Variants in BRPF1 observed in about 807,000 individuals in gnomAD.
BRPF1 encodes the protein peregrin.
Under a neutral mutation model 115.0 loss-of-function variants are expected in BRPF1, and 15 were observed. That is an observed-to-expected ratio of 0.13 (90% CI 0.09 to 0.20). The LOEUF is 0.20. BRPF1 is among the 10% of genes least tolerant of loss of function. BRPF1 has a pLI of 1.00. For missense variants in BRPF1, 1,118 were observed against 1,638.3 expected (o/e 0.68, Z 5.48); for synonymous variants, 647 against 619.8 (o/e 1.04, Z -0.65).
rs189547989 is a variant in BRPF1 at position 9,743,301 on chromosome 3, G to A, written c.2311+48G>A. 3.2e-4 allele frequency: 508 copies of A among 1,566,616 alleles called. No homozygotes were observed. The highest frequency in any genetic ancestry group is 4.2e-4 in the Non-Finnish European group (490 of 1,154,134). ...ATATAAGAGGCCAATGCCGGGGATGGACAGCTTTCCAAAAGTCCCCTCCTG... is the reference window on the plus strand; with the variant it reads ...ATATAAGAGGCCAATGCCGGGGATGAACAGCTTTCCAAAAGTCCCCTCCTG... On this transcript the variant is annotated intron_variant, in intron 7 of 13. Coordinates refer to ENST00000383829, the MANE Select transcript of BRPF1 (RefSeq NM_001003694.2). The surrounding 1 kb of genome is among the most constrained non-coding windows in gnomAD (Gnocchi z 6.1).
rs2076859577 is a variant in BRPF1, at chr3:9,731,983, C to T, written c.-166C>T. On this transcript the variant is annotated 5_prime_UTR_variant, in exon 1 of 14. Coordinates refer to ENST00000383829, the MANE Select transcript of BRPF1 (RefSeq NM_001003694.2). The stretch of plus-strand genomic sequence containing the variant: ...CTCAGGAATCCCGGGGAGCCGGGAC[C>T]AAAGCGTGGGGCGGCAGGGGGCCGG... The T allele has an allele frequency of 6.6e-6, 1 of 152,336 alleles. No homozygotes were observed. The highest frequency in any genetic ancestry group is 2.4e-5 in the African/African-American group (1 of 41,454). 9.4% of individuals were successfully genotyped at this position (152,336 alleles called of 1,614,324 possible). A position where few individuals can be genotyped will look rare whatever the true frequency, so the allele number is the denominator to read the frequency against.
In BRPF1 at chr3:9,740,945, C is replaced by A. The variant is rs1296066066; in HGVS notation, c.1722+4C>A. 6.2e-7 allele frequency: 1 copy of A among 1,610,092 alleles called. No homozygotes were observed. ...GAGGAACTGTGACCAAGTTGGGGTACTGTGTCCAGTTCCCTGTGGGCTCTG... is the reference window on the plus strand; with the variant it reads ...GAGGAACTGTGACCAAGTTGGGGTAATGTGTCCAGTTCCCTGTGGGCTCTG... On this transcript the variant is annotated splice_donor_region_variant and intron_variant, in intron 4 of 13. Transcript: ENST00000383829.
chr3:9,743,449 C>T lies in BRPF1; in HGVS notation c.2312-129C>T, dbSNP rs1312687605. On this transcript the variant is annotated intron_variant, in intron 7 of 13. Transcript: ENST00000383829. The surrounding 1 kb of genome is among the most constrained non-coding windows in gnomAD (Gnocchi z 6.1). ...GTGCCCGCCATTCCACATCTTGGTG[C>T]TGCTATTTTACAGCTGTTCCTGGTG... 4.8e-6 allele frequency: 6 copies of T among 1,246,134 alleles called. No individual in the cohort carries two copies. The African/African-American group carries it at 7.6e-5, about 16-fold the overall frequency. 77.2% of individuals were successfully genotyped at this position (1,246,134 alleles called of 1,614,324 possible).
At chr3:9,746,157 A>C in intron 12 of BRPF1, 143 bp from the exon 13 acceptor site, 1 of 1,210,530 alleles carries the variant, frequency 8.3e-7, no homozygotes, top group Non-Finnish European at 1.2e-6. Flanking sequence ...TTAGCATGGA[A>C]AGAAGCTGAG....
chr3:9,747,031 G>T lies in BRPF1; in HGVS notation c.3480-135G>T. 1 of 963,694 alleles carries T rather than the reference G, an allele frequency of 1.0e-6. No individual in the cohort carries two copies. 59.7% of individuals were successfully genotyped at this position (963,694 alleles called of 1,614,324 possible). ...CTCTTTCATCTCTAGACCATGAACA[G>T]TCCTTTGAGGGCAGGGACCATCACA... is the stretch of plus-strand genomic sequence containing the variant. On this transcript the variant is annotated intron_variant, in intron 13 of 13. Coordinates refer to ENST00000383829, the MANE Select transcript of BRPF1 (RefSeq NM_001003694.2). This position sits in a 1 kb window ranked among gnomAD's most constrained non-coding sequence, Gnocchi z 5.6.
In BRPF1 at chr3:9,734,209, C is replaced by T; in HGVS notation, c.69C>T (p.Cys23=). 6.2e-7 allele frequency: 1 copy of T among 1,613,990 alleles called. No homozygotes were observed. Among genetic ancestry groups the T allele is most frequent in the Non-Finnish European group, 8.5e-7 (1 of 1,179,946 alleles). ...GGGCGACTAAGCCACCATACGAGTG[C>T]CCGGTGGAGACCTGCCGAAAGGTCT... is the stretch of plus-strand genomic sequence containing the variant. ...NLRATKPPYE[C]PVETCRKVYK... The change falls in exon 2 of 14, where the codon TGC becomes TGT. Residue 23 remains cysteine, a synonymous_variant. Transcript: ENST00000383829. The surrounding 1 kb of genome is among the most constrained non-coding windows in gnomAD (Gnocchi z 5.7).
In BRPF1 at chr3:9,739,962, T is replaced by C. The variant is rs756105058; in HGVS notation, c.1559+4T>C. The stretch of plus-strand genomic sequence containing the variant: ...TGCCCTGCATCCCACCACACAGGTA[T>C]GTGGGGAGCCGGTGGACAGGCAGAT... On this transcript the variant is annotated splice_donor_region_variant and intron_variant, in intron 3 of 13. Transcript: ENST00000383829. The C allele has an allele frequency of 1.4e-5, 22 of 1,562,838 alleles. No homozygotes were observed. The highest frequency in any genetic ancestry group is 1.9e-5 in the Non-Finnish European group (22 of 1,152,026).
chr3:9,738,868 G>A (rs2076983885), intron 2 of BRPF1, 131 bp from the exon 3 acceptor site: 2 of 767,410 alleles, frequency 2.6e-6, no homozygotes, highest in Non-Finnish European at 4.0e-6. Context: ...TGGAGTTAAG[G>A]TGAGGATGAA....
intron 3 of BRPF1, 123 bp from the exon 4 acceptor site, chr3:9,740,656 C>A: frequency 2.4e-6 from 3 of 1,256,636 alleles, no homozygotes; most frequent in Non-Finnish European, 2.2e-6. Context: ...GAGTCCCAGG[C>A]CTTTTGGACA....
chr3:9,733,654 A>G (rs1575145312), intron 1 of BRPF1, among the ~76,000 whole-genome samples: 1 of 152,336 alleles, frequency 6.6e-6, no homozygotes, highest in South Asian at 2.1e-4. Context: ...CCAAATAGGG[A>G]TCATTTTGCA....
intron 4 of BRPF1, 69 bp from the exon 5 acceptor site, chr3:9,741,239 C>A: frequency 6.6e-7 from 1 of 1,506,786 alleles, no homozygotes; most frequent in Non-Finnish European, 8.9e-7. Context: ...GTTTCCTGGG[C>A]TCTCTTCTCC....
chr3:9,746,560 C>A, intron 13 of BRPF1, 106 bp downstream of exon 13: 1 of 1,333,834 alleles, frequency 7.5e-7, no homozygotes, highest in Non-Finnish European at 9.9e-7. Context: ...TGGGCTATCA[C>A]AAGTCAGTGG....
chr3:9,743,488 G>C lies in BRPF1; in HGVS notation c.2312-90G>C. On this transcript the variant is annotated intron_variant, in intron 7 of 13. Transcript: ENST00000383829. This position sits in a 1 kb window ranked among gnomAD's most constrained non-coding sequence, Gnocchi z 6.1. ...CTGTTCCTGGTGAGAAGCCCAGGGGGGATGAGTGGGTTTCTTGCTGCCTGC... is the reference window on the plus strand; with the variant it reads ...CTGTTCCTGGTGAGAAGCCCAGGGGCGATGAGTGGGTTTCTTGCTGCCTGC... 1 of 1,419,112 alleles carries C rather than the reference G, an allele frequency of 7.0e-7. No homozygotes were observed. The highest frequency in any genetic ancestry group is 9.7e-7 in the Non-Finnish European group (1 of 1,036,004). 87.9% of individuals were successfully genotyped at this position (1,419,112 alleles called of 1,614,324 possible). A position where few individuals can be genotyped will look rare whatever the true frequency, so the allele number is the denominator to read the frequency against.
intron 6 of BRPF1, chr3:9,742,542 G>T (rs2077048823): frequency 2.0e-6 from 2 of 985,400 alleles, no homozygotes; most frequent in South Asian, 4.7e-5. Context: ...TCTCTAAAAG[G>T]TATAAAATGA....
chr3:9,734,799 AGAGAGGT>A lies in BRPF1; in HGVS notation c.599+67_599+73del. The A allele has an allele frequency of 6.4e-7, 1 of 1,569,360 alleles. No individual in the cohort carries two copies. The highest frequency in any genetic ancestry group is 1.7e-5 in the Admixed American group (1 of 58,366). ...TGGTCAAGCAGGGCTCACTAGCCAGAGAGAGGTGAGAGGCACAGATAGAAGAGTGACA... is the reference window on the plus strand; with the variant it reads ...TGGTCAAGCAGGGCTCACTAGCCAGAGAGAGGCACAGATAGAAGAGTGACA... On this transcript the variant is annotated intron_variant, in intron 2 of 13. Transcript: ENST00000383829. This position sits in a 1 kb window ranked among gnomAD's most constrained non-coding sequence, Gnocchi z 5.7.
intron 2 of BRPF1, among the ~76,000 whole-genome samples, chr3:9,735,192 T>G (rs1482651159): frequency 6.6e-6 from 1 of 152,038 alleles, no homozygotes; most frequent in African/African-American, 2.4e-5. Context: ...TTAAAATTTT[T>G]TGTAGAGATG....
rs889838847 is a variant in BRPF1, at chr3:9,734,555, A to G, written c.415A>G (p.Thr139Ala). The G allele has an allele frequency of 6.2e-7, 1 of 1,614,172 alleles. No individual in the cohort carries two copies. Among genetic ancestry groups the G allele is most frequent in the Admixed American group, 1.7e-5 (1 of 60,020 alleles). ...TGAGAATGGCAGCAACAAGGAGAAC[A>G]CTGAGACACCAGCTGCTACTCCCAA... is the stretch of plus-strand genomic sequence containing the variant. ...APENGSNKEN[T>A]ETPAATPKSG... The change falls in exon 2 of 14, where the codon ACT (threonine) becomes GCT (alanine). Residue 139 changes from threonine (T) to alanine (A), a missense_variant. Physicochemically the swap from Thr to Ala is moderately conservative, Grantham distance 58. Transcript: ENST00000383829. This position sits in a 1 kb window ranked among gnomAD's most constrained non-coding sequence, Gnocchi z 5.7.
rs1290291437 is a variant in BRPF1, at chr3:9,745,113, C to CCAGCAG, written c.3030_3035dup (p.Ser1015_Ser1016dup). On this transcript the variant is annotated inframe_insertion, in exon 10 of 14. Coordinates refer to ENST00000383829, the MANE Select transcript of BRPF1 (RefSeq NM_001003694.2). This position sits in a 1 kb window ranked among gnomAD's most constrained non-coding sequence, Gnocchi z 5.1. ...CCCCGGAGCAGCTCAGACTCTGAGT[C>CCAGCAG]CAGCAGCAGTAGCAGTAGCAGCGCT... is the stretch of plus-strand genomic sequence containing the variant. The CCAGCAG allele has an allele frequency of 6.2e-7, 1 of 1,614,226 alleles. No individual in the cohort carries two copies. The highest frequency in any genetic ancestry group is 8.5e-7 in the Non-Finnish European group (1 of 1,180,044).
rs1317570028 is a variant in BRPF1 at position 9,747,139 on chromosome 3, T to G, written c.3480-27T>G. ...TGGTCCTTGTTCTCCCTGAGATGAT[T>G]TATTTGATCTTCACCTTATCCTATA... is the stretch of plus-strand genomic sequence containing the variant. On this transcript the variant is annotated intron_variant, in intron 13 of 13. Coordinates refer to ENST00000383829, the MANE Select transcript of BRPF1 (RefSeq NM_001003694.2). The surrounding 1 kb of genome is among the most constrained non-coding windows in gnomAD (Gnocchi z 5.6). 6.2e-7 allele frequency: 1 copy of G among 1,612,188 alleles called. No homozygotes were observed. Among genetic ancestry groups the G allele is most frequent in the Non-Finnish European group, 8.5e-7 (1 of 1,178,626 alleles).
Sources: allele counts gnomAD v4.1 joint callset (sites outside exome capture counted in the v4.1 genomes callset), GRCh38; gene constraint gnomAD v4.1.1; non-coding constraint Gnocchi (gnomAD v3.1); transcripts MANE v1.5; gene names NCBI Gene and HGNC (gene_info 2026-07-23, HGNC 2026-07-21).